Variants in GABRG3 observed in about 807,000 individuals in gnomAD.
GABRG3 encodes gamma-aminobutyric acid type A receptor subunit gamma3.
In GABRG3, 25 loss-of-function variants were observed where a neutral mutation model predicts 48.8. That is an observed-to-expected ratio of 0.51 (90% CI 0.37 to 0.72). GABRG3 has a LOEUF of 0.72. Among genes scored for constraint, GABRG3 ranks in the 30% least tolerant of loss-of-function variants. GABRG3 has a pLI of 0.00. For missense variants in GABRG3, 394 were observed against 577.9 expected (o/e 0.68, Z 3.26); for synonymous variants, 227 against 217.6 (o/e 1.04, Z -0.38).
chr15:27,343,082 T>C (rs1384250864), intron 5 of GABRG3, among the ~76,000 whole-genome samples: 2 of 152,200 alleles, frequency 1.3e-5, no homozygotes, highest in Non-Finnish European at 2.9e-5. Context: ...TTTTCTCCTT[T>C]AAGCTCCCCT....
intron 5 of GABRG3, among the ~76,000 whole-genome samples, chr15:27,432,606 C>T (rs971684523): frequency 6.6e-6 from 1 of 152,134 alleles, no homozygotes; most frequent in Non-Finnish European, 1.5e-5. Flanking sequence ...GATAGTCCAG[C>T]CACAGTCTCA....
chr15:27,387,499 T>G (rs1408341230), intron 5 of GABRG3, among the ~76,000 whole-genome samples: 2 of 152,164 alleles, frequency 1.3e-5, no homozygotes, highest in Non-Finnish European at 2.9e-5. Context: ...TTAGGGGGTA[T>G]TCCATGTTCT....
chr15:27,190,861 T>C (rs867755668), intron 3 of GABRG3, among the ~76,000 whole-genome samples: 1 of 152,178 alleles, frequency 6.6e-6, no homozygotes, highest in Non-Finnish European at 1.5e-5. Context: ...CTCGTGGGCA[T>C]TTAGTGCTGT....
chr15:27,523,584 C>G (rs1340806864), intron 7 of GABRG3, among the ~76,000 whole-genome samples: 1 of 151,752 alleles, frequency 6.6e-6, no homozygotes, highest in African/African-American at 2.4e-5. Context: ...TTAAAATAAT[C>G]AGTCATAAAT....
chr15:27,339,338 A>G (rs1295934728), intron 5 of GABRG3, among the ~76,000 whole-genome samples: 3 of 152,270 alleles, frequency 2.0e-5, no homozygotes, highest in Non-Finnish European at 2.9e-5. Context: ...CGGCATGTCC[A>G]GCATCCTGGA....
At chr15:27,373,979 T>C (rs1206848373) in intron 5 of GABRG3, among the ~76,000 whole-genome samples, 2 of 152,068 alleles carry the variant, frequency 1.3e-5, no homozygotes, top group African/African-American at 4.8e-5. Flanking sequence ...TATCTTCATG[T>C]TTCATTATTT....
At chr15:27,264,064 T>A (rs1451064198) in intron 3 of GABRG3, among the ~76,000 whole-genome samples, 1 of 151,880 alleles carries the variant, frequency 6.6e-6, no homozygotes. Flanking sequence ...GAGAGACTGT[T>A]GGGCAAGGGA....
intron 5 of GABRG3, among the ~76,000 whole-genome samples, chr15:27,421,805 C>T (rs1304272671): frequency 6.6e-6 from 1 of 151,490 alleles, no homozygotes; most frequent in African/African-American, 2.4e-5. Context: ...ACTGAGTGTT[C>T]TAAGATATCC....
At chr15:27,341,514 G>A (rs1566794611) in intron 5 of GABRG3, among the ~76,000 whole-genome samples, 1 of 152,144 alleles carries the variant, frequency 6.6e-6, no homozygotes, top group Non-Finnish European at 1.5e-5. Flanking sequence ...ACTTCCGTAG[G>A]TACATTCAGC....
chr15:27,072,775 G>A (rs1345576357), intron 3 of GABRG3, among the ~76,000 whole-genome samples: 1 of 152,156 alleles, frequency 6.6e-6, no homozygotes, highest in Non-Finnish European at 1.5e-5. Context: ...TGTGGGCCAG[G>A]CTCAGAAGTG....
chr15:27,355,153 C>T (rs1479994485), intron 5 of GABRG3, among the ~76,000 whole-genome samples: 1 of 152,182 alleles, frequency 6.6e-6, no homozygotes, highest in African/African-American at 2.4e-5. Flanking sequence ...GTTCATGTCT[C>T]AATATGTACC....
At chr15:27,015,715 T>C (rs1016006759) in intron 2 of GABRG3, among the ~76,000 whole-genome samples, 8 of 152,110 alleles carry the variant, frequency 5.3e-5, no homozygotes, top group African/African-American at 1.9e-4. Context: ...TGACCTGCTT[T>C]GATTCCCTTT....
chr15:27,183,919 C>A (rs1024238055), intron 3 of GABRG3, among the ~76,000 whole-genome samples: 1 of 152,328 alleles, frequency 6.6e-6, no homozygotes, highest in East Asian at 1.9e-4. Context: ...TCATCACTAA[C>A]TCTGTGCCAG....
In GABRG3 at chr15:26,971,521, G is replaced by T. The variant is rs1485282653; in HGVS notation, c.-15G>T. The T allele has an allele frequency of 9.3e-6, 14 of 1,513,450 alleles. No individual in the cohort carries two copies. Among genetic ancestry groups the T allele is most frequent in the Middle Eastern group, 2.0e-4 (1 of 4,942 alleles). 93.8% of individuals were successfully genotyped at this position (1,513,450 alleles called of 1,614,324 possible). A position where few individuals can be genotyped will look rare whatever the true frequency, so the allele number is the denominator to read the frequency against. On this transcript the variant is annotated 5_prime_UTR_variant, in exon 1 of 10. Coordinates refer to ENST00000615808, the MANE Select transcript of GABRG3 (RefSeq NM_033223.5). Reference sequence around the variant, plus strand: ...GCCGAGGCCCCGGACCCTGCGCCCCGAGCTCCACGGCACCATGGCCCCGAA... The same window carrying T: ...GCCGAGGCCCCGGACCCTGCGCCCCTAGCTCCACGGCACCATGGCCCCGAA...
chr15:27,483,071 T>C (rs1276204471), intron 6 of GABRG3: 3 of 152,254 alleles, frequency 2.0e-5, no homozygotes, highest in African/African-American at 7.2e-5. Context: ...GCACAAAGAC[T>C]GTTCAAAAAC....
rs980643234 is a variant in GABRG3 at position 27,457,625 on chromosome 15, T to C, written c.575-23025T>C. Among the ~76,000 whole-genome samples, 74 of 152,302 alleles carry C rather than the reference T, an allele frequency of 4.9e-4. 1 individual carries two copies. Among genetic ancestry groups the C allele is most frequent in the South Asian group, 3.5e-3 (17 of 4,828 alleles). On this transcript the variant is annotated intron_variant, in intron 5 of 9. Coordinates refer to ENST00000615808, the MANE Select transcript of GABRG3 (RefSeq NM_033223.5). The surrounding 1 kb of genome is among the most constrained non-coding windows in gnomAD (Gnocchi z 4.4). ...CAGGATTGATCCACTGTACCAGCCC[T>C]GCCCTCTCTAGGACGGGCTGCCTCC...
chr15:27,420,156 C>G (rs954958026), intron 5 of GABRG3, among the ~76,000 whole-genome samples: 1 of 152,170 alleles, frequency 6.6e-6, no homozygotes, highest in Non-Finnish European at 1.5e-5. Flanking sequence ...TTAGAATACT[C>G]CTTCTCTCAA....
In GABRG3 at chr15:27,389,897, C is replaced by T. The variant is rs190563267; in HGVS notation, c.574+61009C>T. On this transcript the variant is annotated intron_variant, in intron 5 of 9. Coordinates refer to ENST00000615808, the MANE Select transcript of GABRG3 (RefSeq NM_033223.5). ...AAATATGCGGGCATAAAACTGCCTG[C>T]AGGGCATAAAAACTGTCATAAAGTT... Among the ~76,000 whole-genome samples, 867 of 152,234 alleles carry T rather than the reference C, an allele frequency of 5.7e-3. 6 individuals are homozygous for T. Among genetic ancestry groups the T allele is most frequent in the Non-Finnish European group, 7.9e-3 (534 of 68,004 alleles).
intron 3 of GABRG3, among the ~76,000 whole-genome samples, chr15:27,291,973 C>T (rs941996516): frequency 6.6e-6 from 1 of 152,144 alleles, no homozygotes; most frequent in Non-Finnish European, 1.5e-5. Flanking sequence ...AGGTTACCTC[C>T]CCATAATTGT....
Sources: gnomAD v4.1 joint callset for allele counts (sites outside exome capture counted in the v4.1 genomes callset) on GRCh38, gnomAD v4.1.1 for gene constraint, Gnocchi (gnomAD v3.1) non-coding constraint, MANE v1.5 for transcripts, NCBI Gene and HGNC (gene_info 2026-07-23, HGNC 2026-07-21) for gene names.